Variants in TPRG1 observed in about 807,000 individuals in gnomAD.
TPRG1 encodes the protein tumor protein p63 regulated 1, also known as tumor protein p63-regulated gene 1 protein.
Under a neutral mutation model 29.3 loss-of-function variants are expected in TPRG1, and 29 were observed. That is an observed-to-expected ratio of 0.99 (90% CI 0.74 to 1.35). The LOEUF (loss-of-function observed/expected upper bound fraction) is 1.35, where lower values mean the gene tolerates loss of function less well. Among genes scored for constraint, TPRG1 ranks in the 40% most tolerant of loss-of-function variants. The probability of loss-of-function intolerance (pLI) is 0.00; values close to 1 mark genes in which losing one functional copy is unlikely to be tolerated. For synonymous variants in TPRG1, 130 were observed against 116.8 expected, an observed-to-expected ratio of 1.11 and a Z score of -0.73; for missense variants, 327 against 335.0, an observed-to-expected ratio of 0.98 and a Z score of 0.19.
chr3:189,070,281 G>C (rs979742477), intron 4 of TPRG1, among the ~76,000 whole-genome samples: 10 of 152,098 alleles, frequency 6.6e-5, no homozygotes, highest in African/African-American at 2.4e-4. Flanking sequence ...AGGCAGGAGA[G>C]GGGTGAGTAT....
intron 4 of TPRG1, among the ~76,000 whole-genome samples, chr3:189,047,204 A>G (rs993675346): frequency 9.9e-5 from 15 of 152,158 alleles, no homozygotes; most frequent in Admixed American, 9.8e-4. Flanking sequence ...TAGGTTGGAG[A>G]TACTGTTGAT....
At chr3:189,273,999 G>T (rs935420632) in intron 4 of TPRG1, among the ~76,000 whole-genome samples, 8 of 147,714 alleles carry the variant, frequency 5.4e-5, no homozygotes, top group African/African-American at 2.1e-4. Context: ...TGTTGTATTT[G>T]TCTGGAAGCC....
chr3:189,056,070 TTCCTTCC>T (rs1715667590), intron 4 of TPRG1, among the ~76,000 whole-genome samples: 2 of 126,236 alleles, frequency 1.6e-5, no homozygotes, highest in Non-Finnish European at 3.3e-5. Context: ...CCTTCCTTCC[TTCCTTCC>T]TTCCTTCCTT....
chr3:189,189,711 G>T (rs866391805), intron 1 of TPRG1, among the ~76,000 whole-genome samples: 2 of 152,192 alleles, frequency 1.3e-5, no homozygotes, highest in Non-Finnish European at 2.9e-5. Flanking sequence ...ATCCCGGACG[G>T]GGTGTTGAAC....
At chr3:189,158,687 C>G (rs1727031925) in intron 5 of TPRG1, among the ~76,000 whole-genome samples, 3 of 152,124 alleles carry the variant, frequency 2.0e-5, no homozygotes, top group Non-Finnish European at 4.4e-5. Context: ...CTTGAAATAT[C>G]CTTCAGCCTT....
At chr3:189,093,644 C>T (rs1321873162) in intron 4 of TPRG1, among the ~76,000 whole-genome samples, 1 of 152,034 alleles carries the variant, frequency 6.6e-6, no homozygotes, top group Non-Finnish European at 1.5e-5. Flanking sequence ...GGGGCTATTT[C>T]CTTTCATTTT....
intron 4 of TPRG1, among the ~76,000 whole-genome samples, chr3:189,272,119 AAC>A (rs907255082): frequency 6.6e-6 from 1 of 152,204 alleles, no homozygotes; most frequent in African/African-American, 2.4e-5. Context: ...TGATGGGAAA[AAC>A]ACAGTGCAAT....
chr3:189,317,325 A>G (rs1021028962), intron 5 of TPRG1, among the ~76,000 whole-genome samples: 9 of 152,178 alleles, frequency 5.9e-5, no homozygotes, highest in Non-Finnish European at 1.0e-4. Flanking sequence ...ATGATTAAGC[A>G]GTTATTATTT....
At chr3:189,018,414 G>A (rs1029306535) in intron 3 of TPRG1, among the ~76,000 whole-genome samples, 45 of 147,444 alleles carry the variant, frequency 3.1e-4, no homozygotes, top group African/African-American at 1.1e-3. Context: ...TGTATAAGGT[G>A]TAAGGAAGGA....
intron 4 of TPRG1, among the ~76,000 whole-genome samples, chr3:189,093,212 T>A (rs1718454459): frequency 6.6e-6 from 1 of 152,038 alleles, no homozygotes; most frequent in South Asian, 2.1e-4. Context: ...AGAGACAATA[T>A]AAAAGATGAA....
At chr3:189,106,902 G>A (rs537420553) in intron 1 of TPRG1, among the ~76,000 whole-genome samples, 31 of 152,046 alleles carry the variant, frequency 2.0e-4, no homozygotes, top group Non-Finnish European at 2.9e-4. Context: ...AGTCAGAGCC[G>A]AGACTACATG....
At chr3:189,190,872 T>A (rs995580242) in intron 1 of TPRG1, 15 of 713,202 alleles carry the variant, frequency 2.1e-5, no homozygotes, top group Non-Finnish European at 2.6e-5. Flanking sequence ...CTTAGCTGCT[T>A]TGTGATTGAG....
chr3:189,019,413 C>T (rs1342013298), intron 3 of TPRG1, among the ~76,000 whole-genome samples: 1 of 152,112 alleles, frequency 6.6e-6, no homozygotes, highest in Non-Finnish European at 1.5e-5. Context: ...CCCATCAATA[C>T]CTAATTTATT....
chr3:189,035,439 C>A (rs1364087201), intron 4 of TPRG1, among the ~76,000 whole-genome samples: 2 of 152,040 alleles, frequency 1.3e-5, no homozygotes, highest in African/African-American at 4.8e-5. Flanking sequence ...ACAAATGTGA[C>A]CTGATTAAAC....
intron 4 of TPRG1, among the ~76,000 whole-genome samples, chr3:189,304,354 C>T (rs540031884): frequency 5.9e-5 from 9 of 152,152 alleles, no homozygotes; most frequent in Non-Finnish European, 1.3e-4. Context: ...TTTACAATGA[C>T]ACCACAATGC....
intron 3 of TPRG1, among the ~76,000 whole-genome samples, chr3:189,147,337 G>T (rs369968667): frequency 9.8e-5 from 15 of 152,312 alleles, no homozygotes; most frequent in African/African-American, 3.6e-4. Flanking sequence ...CATAGGGGTA[G>T]GATGAGTTTA....
At chr3:189,071,408 T>TACACAC (rs140146383) in intron 4 of TPRG1, among the ~76,000 whole-genome samples, 4,038 of 151,366 alleles carry the variant, frequency 0.027, 168 homozygotes, top group African/African-American at 0.091. Flanking sequence ...GTATGAGTTT[T>TACACAC]ACACACACAC....
intron 4 of TPRG1, among the ~76,000 whole-genome samples, chr3:189,051,289 C>CAGCG (rs1189100109): frequency 6.6e-6 from 1 of 152,124 alleles, no homozygotes; most frequent in East Asian, 1.9e-4. Context: ...TATACACCAA[C>CAGCG]AGCGACCAAG....
At position 189,157,563 on chromosome 3, in the gene TPRG1, G is replaced by A. The variant is rs570805213; in HGVS notation, c.-10+6691G>A. On this transcript the variant is annotated intron_variant, in intron 5 of 6. Coordinates refer to the TPRG1 transcript ENST00000412373. ...ACAGGCCAGGTTCCGGCCACCTTCTGTTCTGGTTTGCCTAATGATGCTTTT... is the reference window on the plus strand; with the variant it reads ...ACAGGCCAGGTTCCGGCCACCTTCTATTCTGGTTTGCCTAATGATGCTTTT... Among the ~76,000 whole-genome samples, 5 of 152,152 alleles carry A rather than the reference G, an allele frequency of 3.3e-5. No homozygotes were observed. The East Asian group carries it at 9.6e-4, about 29-fold the overall frequency.
Sources: gnomAD v4.1 joint callset for allele counts (sites outside exome capture counted in the v4.1 genomes callset) on GRCh38, gnomAD v4.1.1 for gene constraint, MANE v1.5 for transcripts, NCBI Gene and HGNC (gene_info 2026-07-23, HGNC 2026-07-21) for gene names.